The following CSMD2 variants were observed in gnomAD, a reference collection of about 807,000 sequenced individuals.
CSMD2 encodes CUB and sushi domain-containing protein 2.
In CSMD2, 130 loss-of-function variants were observed where a neutral mutation model predicts 398.5. The observed-to-expected ratio is 0.33, with a 90% CI of 0.28 to 0.38. The LOEUF (loss-of-function observed/expected upper bound fraction) is 0.38, where lower values mean the gene tolerates loss of function less well. CSMD2 is among the 10% of genes least tolerant of loss of function. CSMD2 has a pLI of 1.00. For synonymous variants in CSMD2, 1,828 were observed against 1,908.5 expected, an observed-to-expected ratio of 0.96 and a Z score of 1.10; for missense variants, 3,829 against 4,764.9, an observed-to-expected ratio of 0.80 and a Z score of 5.78.
chr1:33,625,094 A>C lies in CSMD2; in HGVS notation c.5457T>G (p.Pro1819=). 1 of 1,614,058 alleles carries C rather than the reference A, an allele frequency of 6.2e-7. No individual in the cohort carries two copies. Among genetic ancestry groups the C allele is most frequent in the Non-Finnish European group, 8.5e-7 (1 of 1,180,012 alleles). The change falls in exon 34 of 71, where the codon CCT becomes CCG. Residue 1819 remains proline, a synonymous_variant. Coordinates refer to ENST00000373381, the MANE Select transcript of CSMD2 (RefSeq NM_001281956.2). ...AGACATTCCATTGGGCCAAGGCCCC[A>C]GGCACAGGGAGGCACTCGATCTCTG... The part of the protein sequence containing the change: ...GSPEIECLPV[P]GALAQWNVSA...
chr1:34,134,937 T>G (rs1638563404), intron 1 of CSMD2, among the ~76,000 whole-genome samples: 1 of 152,172 alleles, frequency 6.6e-6, no homozygotes. Flanking sequence ...AGTGGTTCCT[T>G]GACCAGCACA....
In CSMD2 at chr1:34,124,711, G is replaced by T. The variant is rs12080543; in HGVS notation, c.188-35518C>A. ...CAAGGTCCCAGAGAGAAACCAAATT[G>T]TAACTGTCAGGAACACAACAGAACT... On this transcript the variant is annotated intron_variant, in intron 1 of 70. Coordinates refer to ENST00000373381, the MANE Select transcript of CSMD2 (RefSeq NM_001281956.2). Among the ~76,000 whole-genome samples, 274 of 152,242 alleles carry T rather than the reference G, an allele frequency of 1.8e-3. 1 individual carries two copies. Among genetic ancestry groups the T allele is most frequent in the African/African-American group, 6.2e-3 (258 of 41,538 alleles).
chr1:33,520,027 C>A, intron 68 of CSMD2, 77 bp from the exon 69 acceptor site: 1 of 1,546,912 alleles, frequency 6.5e-7, no homozygotes, highest in Middle Eastern at 1.7e-4. Flanking sequence ...CCCGACTATA[C>A]ACTCTTGGGA....
rs1362675474 is a variant in CSMD2, at chr1:33,716,313, A to G, written c.3190T>C (p.Tyr1064His). Residue 1064 changes from tyrosine to histidine, a missense_variant, in exon 20 of 71, where the codon TAT becomes CAT. By Grantham distance (83) the Tyr-to-His change is moderately conservative. This residue lies in a region of CSMD2 where 2,001 missense variants were observed against 2,567.1 expected (regional missense o/e 0.78). Coordinates refer to ENST00000373381, the MANE Select transcript of CSMD2 (RefSeq NM_001281956.2). ...VRFISDFSMS[Y>H]EGFNITFSEY... ...GAGAAGGTGATGTTGAATCCTTCAT[A>G]TGACATGGAGAAATCAGAGATGAAG... The G allele has an allele frequency of 1.2e-6, 2 of 1,613,976 alleles. No homozygotes were observed. The highest frequency in any genetic ancestry group is 1.7e-5 in the Admixed American group (1 of 59,998).
At chr1:33,819,599 G>T (rs1308272783) in intron 9 of CSMD2, 114 bp downstream of exon 9, 2 of 872,884 alleles carry the variant, frequency 2.3e-6, no homozygotes, top group East Asian at 2.6e-5. Context: ...GGAGTGAGGG[G>T]GGAGGGGAGC....
intron 2 of CSMD2, among the ~76,000 whole-genome samples, chr1:34,085,058 T>C (rs1189773267): frequency 1.3e-5 from 2 of 152,124 alleles, no homozygotes; most frequent in Non-Finnish European, 2.9e-5. Flanking sequence ...CCATAAAAAA[T>C]GATGAGTTCA....
intron 3 of CSMD2, among the ~76,000 whole-genome samples, chr1:33,964,196 C>G (rs904231373): frequency 4.0e-5 from 6 of 151,858 alleles, no homozygotes; most frequent in African/African-American, 1.5e-4. Context: ...CAAGACTGTC[C>G]GGGTTCAAAT....
chr1:33,803,843 T>C (rs1655905962), intron 10 of CSMD2, among the ~76,000 whole-genome samples: 1 of 152,256 alleles, frequency 6.6e-6, no homozygotes, highest in Non-Finnish European at 1.5e-5. Flanking sequence ...GCTATTGCTT[T>C]AGTTCAGGAG....
chr1:33,772,514 C>G, intron 13 of CSMD2, 55 bp downstream of exon 13: 1 of 1,534,492 alleles, frequency 6.5e-7, no homozygotes, highest in Non-Finnish European at 8.9e-7. Flanking sequence ...AGCTAGGAAA[C>G]GGGCCCCTGC....
At chr1:33,717,729 G>A (rs1452622723) in intron 19 of CSMD2, among the ~76,000 whole-genome samples, 1 of 151,574 alleles carries the variant, frequency 6.6e-6, no homozygotes, top group Non-Finnish European at 1.5e-5. Context: ...GGAGAGAAGA[G>A]GGCAGAGTGA....
rs77526456 is a variant in CSMD2, at chr1:34,071,470, G to A, written c.404+17507C>T. On this transcript the variant is annotated intron_variant, in intron 2 of 70. Transcript: ENST00000373381. Reference sequence around the variant, plus strand: ...CAATCAGCAGCAGATAGGGGAGGAGGTGGGTTCTGCTCCATGCAGTCATCC... The same window carrying A: ...CAATCAGCAGCAGATAGGGGAGGAGATGGGTTCTGCTCCATGCAGTCATCC... 8.6e-3 allele frequency among the ~76,000 whole-genome samples: 1,314 copies of A among 152,364 alleles called. 18 individuals are homozygous for A. Among genetic ancestry groups the A allele is most frequent in the East Asian group, 0.053 (276 of 5,190 alleles).
chr1:33,728,526 A>G (rs747845825), intron 15 of CSMD2, among the ~76,000 whole-genome samples: 2 of 152,202 alleles, frequency 1.3e-5, no homozygotes, highest in Non-Finnish European at 2.9e-5. Context: ...GCATTTATGA[A>G]GTTATTATCC....
intron 2 of CSMD2, among the ~76,000 whole-genome samples, chr1:34,044,788 T>A (rs1652288963): frequency 6.6e-6 from 1 of 152,214 alleles, no homozygotes; most frequent in South Asian, 2.1e-4. Context: ...CATTTAAGGC[T>A]GTTAGCACAT....
intron 3 of CSMD2, among the ~76,000 whole-genome samples, chr1:33,980,308 C>G (rs930780155): frequency 6.6e-6 from 1 of 152,152 alleles, no homozygotes; most frequent in African/African-American, 2.4e-5. Context: ...TTGCTGTTAT[C>G]TGAGGTAGGT....
At chr1:33,719,397 G>C (rs1646280770) in intron 19 of CSMD2, among the ~76,000 whole-genome samples, 1 of 152,184 alleles carries the variant, frequency 6.6e-6, no homozygotes, top group Non-Finnish European at 1.5e-5. Flanking sequence ...CATTTGGCTG[G>C]GATTCTAAGG....
chr1:33,585,059 T>G (rs1262746183), intron 46 of CSMD2, among the ~76,000 whole-genome samples: 1 of 152,190 alleles, frequency 6.6e-6, no homozygotes, highest in Non-Finnish European at 1.5e-5. Flanking sequence ...TTTGTTTGGG[T>G]TGCGGACGCC....
intron 1 of CSMD2, among the ~76,000 whole-genome samples, chr1:34,130,923 T>C (rs1274057625): frequency 4.6e-5 from 7 of 152,112 alleles, no homozygotes; most frequent in Non-Finnish European, 8.8e-5. Context: ...GAGACCATCC[T>C]ATCCAGGAAT....
chr1:33,710,133 G>C (rs930532629), intron 21 of CSMD2, among the ~76,000 whole-genome samples: 1 of 152,174 alleles, frequency 6.6e-6, no homozygotes, highest in Non-Finnish European at 1.5e-5. Context: ...TTTGGGGCTT[G>C]GTCGTGTTAC....
intron 1 of CSMD2, among the ~76,000 whole-genome samples, chr1:34,103,310 TC>T (rs67685832): frequency 0.14 from 17,250 of 121,394 alleles, 2,317 homozygotes; most frequent in South Asian, 0.35. Context: ...TTTTTTTTTT[TC>T]TTTCTGAGCC....
Sources: allele counts gnomAD v4.1 joint callset (sites outside exome capture counted in the v4.1 genomes callset), GRCh38; gene constraint gnomAD v4.1.1; regional missense constraint gnomAD v4.1.1; transcripts MANE v1.5; gene names NCBI Gene and HGNC (gene_info 2026-07-23, HGNC 2026-07-21).